The following ADGRB3 variants were observed in gnomAD, a reference collection of about 807,000 sequenced individuals.
ADGRB3 encodes adhesion G protein-coupled receptor B3.
Under a neutral mutation model 193.4 loss-of-function variants are expected in ADGRB3, and 37 were observed. The ratio of observed to expected loss-of-function variants is 0.19; its 90% CI spans 0.15 to 0.25. ADGRB3 has a LOEUF of 0.25. Ranked by LOEUF, ADGRB3 falls within the 10% of genes least tolerant of loss-of-function variation. ADGRB3 has a pLI of 1.00. For missense variants in ADGRB3, 1,637 were observed against 1,852.9 expected (o/e 0.88, Z 2.14); for synonymous variants, 690 against 644.2 (o/e 1.07, Z -1.08).
At chr6:68,797,422 A>G (rs9294807) in intron 3 of ADGRB3, among the ~76,000 whole-genome samples, 23 of 150,960 alleles carry the variant, frequency 1.5e-4, no homozygotes, top group South Asian at 2.1e-4. Flanking sequence ...AAAAAAAAGG[A>G]TGTACTTGAA....
intron 11 of ADGRB3, among the ~76,000 whole-genome samples, chr6:68,994,407 T>A (rs542894289): frequency 6.6e-5 from 10 of 152,330 alleles, no homozygotes; most frequent in Admixed American, 2.6e-4. Flanking sequence ...GAAAAACATA[T>A]TTAATTTTAT....
chr6:68,780,684 G>A (rs939658154), intron 3 of ADGRB3, among the ~76,000 whole-genome samples: 10 of 151,964 alleles, frequency 6.6e-5, no homozygotes, highest in Admixed American at 1.3e-4. Context: ...CTAAGCACAA[G>A]GGTTTTTTTT....
At chr6:68,794,828 T>A (rs539070218) in intron 3 of ADGRB3, among the ~76,000 whole-genome samples, 78 of 152,260 alleles carry the variant, frequency 5.1e-4, no homozygotes, top group African/African-American at 1.8e-3. Flanking sequence ...GTCCTGTATA[T>A]GACTATTTAC....
At chr6:69,001,088 T>A (rs962969699) in intron 11 of ADGRB3, among the ~76,000 whole-genome samples, 1 of 152,188 alleles carries the variant, frequency 6.6e-6, no homozygotes, top group Non-Finnish European at 1.5e-5. Context: ...GTGATATAAG[T>A]ATAGCATGTT....
Position 69,018,373 on chromosome 6 carries a change from CT to C in ADGRB3, c.1999-15del. The C allele has an allele frequency of 6.6e-7, 1 of 1,515,110 alleles. No homozygotes were observed. Among genetic ancestry groups the C allele is most frequent in the Non-Finnish European group, 9.1e-7 (1 of 1,101,198 alleles). 93.9% of individuals were successfully genotyped at this position (1,515,110 alleles called of 1,614,324 possible). On this transcript the variant is annotated splice_polypyrimidine_tract_variant and intron_variant, in intron 12 of 31. Transcript: ENST00000370598. ...GTATAGATTTTTTATTCCTTCTAAC[CT>C]TTGCTTATTTTTCTAGATTTATCCA...
chr6:69,383,163 A>G (rs752949029), intron 31 of ADGRB3, among the ~76,000 whole-genome samples: 1 of 152,042 alleles, frequency 6.6e-6, no homozygotes, highest in Non-Finnish European at 1.5e-5. Context: ...AGCTTTCATT[A>G]GAGTTAGTTT....
At chr6:68,755,562 G>A (rs894472373) in intron 3 of ADGRB3, among the ~76,000 whole-genome samples, 11 of 152,250 alleles carry the variant, frequency 7.2e-5, no homozygotes, top group Admixed American at 7.2e-4. Context: ...AAAAAGAAAG[G>A]TCAGTTGAGA....
intron 17 of ADGRB3, among the ~76,000 whole-genome samples, chr6:69,144,124 A>T (rs961475090): frequency 1.6e-4 from 25 of 151,990 alleles, no homozygotes; most frequent in African/African-American, 6.0e-4. Flanking sequence ...TAAGTATTTA[A>T]TTTTATTTGT....
chr6:68,930,488 C>G, intron 3 of ADGRB3, 71 bp from the exon 4 acceptor site: 1 of 1,013,952 alleles, frequency 9.9e-7, no homozygotes, highest in Admixed American at 2.2e-5. Flanking sequence ...GAACATATTG[C>G]ATGAGACAGT....
intron 3 of ADGRB3, among the ~76,000 whole-genome samples, chr6:68,655,321 G>C (rs2127283476): frequency 6.6e-6 from 1 of 151,566 alleles, no homozygotes; most frequent in East Asian, 2.0e-4. Flanking sequence ...TGTTGTTTCT[G>C]TTTTCTGTGA....
chr6:69,002,619 G>C (rs1234360304), intron 11 of ADGRB3, among the ~76,000 whole-genome samples: 1 of 152,108 alleles, frequency 6.6e-6, no homozygotes, highest in Admixed American at 6.5e-5. Context: ...TGAAGACCTT[G>C]GAGTATGGTT....
intron 16 of ADGRB3, among the ~76,000 whole-genome samples, chr6:69,068,620 C>G (rs1026289115): frequency 6.6e-6 from 1 of 152,086 alleles, no homozygotes. Context: ...GATGGTTCTG[C>G]TTTTTACTGC....
At chr6:69,025,661 G>T (rs971245749) in intron 13 of ADGRB3, among the ~76,000 whole-genome samples, 3 of 151,558 alleles carry the variant, frequency 2.0e-5, no homozygotes, top group African/African-American at 7.3e-5. Context: ...AAGCTAGTGG[G>T]TATTTTTCTG....
At chr6:68,964,061 T>G (rs1002921578) in intron 8 of ADGRB3, among the ~76,000 whole-genome samples, 1 of 152,174 alleles carries the variant, frequency 6.6e-6, no homozygotes, top group Non-Finnish European at 1.5e-5. Flanking sequence ...CTGATGTTAG[T>G]GTCTTACATT....
chr6:68,907,306 A>G (rs1227425497), intron 3 of ADGRB3, among the ~76,000 whole-genome samples: 1 of 151,936 alleles, frequency 6.6e-6, no homozygotes, highest in African/African-American at 2.4e-5. Context: ...TGGTTTTAAA[A>G]TTGAGCTTTT....
At chr6:69,118,168 G>GC (rs1193003725) in intron 17 of ADGRB3, among the ~76,000 whole-genome samples, 3 of 152,112 alleles carry the variant, frequency 2.0e-5, no homozygotes, top group Non-Finnish European at 4.4e-5. Flanking sequence ...AAATGAGGTG[G>GC]TTGAACTAAA....
chr6:68,951,689 A>T (rs1192362074), intron 6 of ADGRB3, among the ~76,000 whole-genome samples: 2 of 152,196 alleles, frequency 1.3e-5, no homozygotes, highest in African/African-American at 4.8e-5. Context: ...GATGTGAATC[A>T]GTTTTCAATA....
At chr6:69,285,662 C>T (rs1265744464) in intron 20 of ADGRB3, among the ~76,000 whole-genome samples, 1 of 152,002 alleles carries the variant, frequency 6.6e-6, no homozygotes, top group East Asian at 1.9e-4. Flanking sequence ...CAGAGCGAGA[C>T]TCCATCTTAA....
At chr6:68,812,655 A>T (rs1404869951) in intron 3 of ADGRB3, among the ~76,000 whole-genome samples, 1 of 152,008 alleles carries the variant, frequency 6.6e-6, no homozygotes, top group Non-Finnish European at 1.5e-5. Context: ...ATGTACAAAG[A>T]TTGCTACTGT....
Sources: allele counts gnomAD v4.1 joint callset (sites outside exome capture counted in the v4.1 genomes callset), GRCh38; gene constraint gnomAD v4.1.1; transcripts MANE v1.5; gene names NCBI Gene and HGNC (gene_info 2026-07-23, HGNC 2026-07-21).